The following SQSTM1 variants were observed in gnomAD, a reference collection of about 807,000 sequenced individuals.
SQSTM1 encodes sequestosome 1.
SQSTM1 carries 36 observed loss-of-function variants against 45.1 expected under a neutral mutation model. The ratio of observed to expected loss-of-function variants is 0.80; its 90% CI spans 0.61 to 1.05. The LOEUF (loss-of-function observed/expected upper bound fraction) is 1.05, where lower values mean the gene tolerates loss of function less well. Ranked by LOEUF, SQSTM1 falls within the 50% of genes least tolerant of loss-of-function variation. SQSTM1 has a pLI of 0.00. For synonymous variants in SQSTM1, 290 were observed against 244.3 expected (o/e 1.19, Z -1.74); for missense variants, 617 against 607.1 (o/e 1.02, Z -0.17).
At chr5:179,833,395 T>C (rs1190061823) in intron 6 of SQSTM1, 149 bp downstream of exon 6, 2 of 1,012,586 alleles carry the variant, frequency 2.0e-6, no homozygotes, top group Admixed American at 2.0e-5. Context: ...GCCATTAAAG[T>C]CACGCTGGGA....
chr5:179,828,237 C>G (rs777346744), intron 5 of SQSTM1, among the ~76,000 whole-genome samples: 7 of 152,116 alleles, frequency 4.6e-5, no homozygotes. Context: ...TGGAGAGATC[C>G]TAATTCTATA....
intron 4 of SQSTM1, among the ~76,000 whole-genome samples, chr5:179,824,910 G>A (rs564680739): frequency 6.6e-6 from 1 of 152,128 alleles, no homozygotes; most frequent in African/African-American, 2.4e-5. Flanking sequence ...GGGTTGCTGA[G>A]CACCAGGGTC....
At chr5:179,832,919 G>T in intron 5 of SQSTM1, 113 bp from the exon 6 acceptor site, 2 of 1,079,100 alleles carry the variant, frequency 1.9e-6, no homozygotes, top group Non-Finnish European at 2.8e-6. Flanking sequence ...GCTGCTTGTG[G>T]GGACTGAACG....
intron 7 of SQSTM1, among the ~76,000 whole-genome samples, chr5:179,834,954 G>A (rs1758451662): frequency 2.0e-5 from 3 of 150,862 alleles, no homozygotes; most frequent in South Asian, 2.1e-4. Context: ...CGGGCAGAGG[G>A]GCTCCTCACT....
Position 179,833,601 on chromosome 5 carries a change from G to C in SQSTM1, c.984G>C (p.Ser328=). ...SEGRPEEQME[S]DNCSGGDDDW... is the part of the protein sequence containing the mutation. ...TTTTGTTCCAGGAACAGATGGAGTC[G>C]GATAACTGTTCAGGAGGAGATGATG... The change falls in exon 7 of 8, where the codon TCG becomes TCC. Residue 328 remains serine (S), a synonymous_variant. Transcript: ENST00000389805. 6.2e-7 allele frequency: 1 copy of C among 1,614,142 alleles called. No individual in the cohort carries two copies. The highest frequency in any genetic ancestry group is 8.5e-7 in the Non-Finnish European group (1 of 1,180,026).
rs2306796 is a variant in SQSTM1 at position 179,822,903 on chromosome 5, T to A, written c.206-55T>A. The A allele has an allele frequency of 4.5e-4, 673 of 1,502,406 alleles. 7 individuals are homozygous for A. The East Asian group carries it at 0.014, about 32-fold the overall frequency. 93.1% of individuals were successfully genotyped at this position (1,502,406 alleles called of 1,614,324 possible). A position where few individuals can be genotyped will look rare whatever the true frequency, so the allele number is the denominator to read the frequency against. ...ACTTGCCTCAGCCCATTCCAGCAGC[T>A]TATGTCCAGCTGAGAACCCCTGGGT... On this transcript the variant is annotated intron_variant, in intron 1 of 7. Coordinates refer to ENST00000389805, the MANE Select transcript of SQSTM1 (RefSeq NM_003900.5).
chr5:179,835,604 C>T (rs188244833), intron 7 of SQSTM1: 206 of 155,738 alleles, frequency 1.3e-3, no homozygotes, highest in Non-Finnish European at 2.2e-3. Flanking sequence ...GAGAATCAGG[C>T]AGGGAGGTTG....
rs758128093 is a variant in SQSTM1 at position 179,824,313 on chromosome 5, G to A, written c.663G>A (p.Thr221=). The change falls in exon 4 of 8, where the codon ACG becomes ACA. Residue 221 remains threonine (T), a synonymous_variant. Coordinates refer to ENST00000389805, the MANE Select transcript of SQSTM1 (RefSeq NM_003900.5). Reference sequence around the variant, plus strand: ...CAGGGGAGGCCCGCCCTGGCCCCACGGCAGAATCAGGTGAGGCTTGTGTTG... The same window carrying A: ...CAGGGGAGGCCCGCCCTGGCCCCACAGCAGAATCAGGTGAGGCTTGTGTTG... The part of the protein sequence containing the change: ...PRAGEARPGP[T]AESASGPSED... 37 of 1,613,482 alleles carry A rather than the reference G, an allele frequency of 2.3e-5. 1 individual carries two copies. Among genetic ancestry groups the A allele is most frequent in the Non-Finnish European group, 2.9e-5 (34 of 1,180,048 alleles).
intron 1 of SQSTM1, among the ~76,000 whole-genome samples, chr5:179,808,864 A>AT (rs113214299): frequency 0.75 from 110,251 of 146,104 alleles, 43,056 homozygotes; most frequent in Non-Finnish European, 0.86. Context: ...AGTTTATCTT[A>AT]TTTTTTTTTT....
rs1758553172 is a variant in SQSTM1 at position 179,836,350 on chromosome 5, T to G, written c.1166-86T>G. The G allele has an allele frequency of 3.8e-6, 6 of 1,588,810 alleles. No individual in the cohort carries two copies. The South Asian group carries it at 4.4e-5, about 12-fold the overall frequency. On this transcript the variant is annotated intron_variant, in intron 7 of 7. Coordinates refer to ENST00000389805, the MANE Select transcript of SQSTM1 (RefSeq NM_003900.5). Reference sequence around the variant, plus strand: ...CTCGGACACTGGCAGACCCTGGTCCTGGCTGGCCAAGGCAGCAGGGTATGT... The same window carrying G: ...CTCGGACACTGGCAGACCCTGGTCCGGGCTGGCCAAGGCAGCAGGGTATGT...
intron 1 of SQSTM1, among the ~76,000 whole-genome samples, chr5:179,809,147 AC>A (rs1757313560): frequency 1.1e-5 from 1 of 92,024 alleles, no homozygotes; most frequent in Non-Finnish European, 2.2e-5. Flanking sequence ...GTGAGTCACC[AC>A]CCCGGCCTTT....
chr5:179,821,073 G>T lies in SQSTM1; in HGVS notation c.137G>T (p.Arg46Leu), dbSNP rs1320111508. 6.7e-7 allele frequency: 1 copy of T among 1,483,120 alleles called. No homozygotes were observed. Among genetic ancestry groups the T allele is most frequent in the South Asian group, 1.3e-5 (1 of 79,506 alleles). The allele number at this position is 1,483,120 out of a possible 1,614,324, so 91.9% of individuals were successfully genotyped here. A position where few individuals can be genotyped will look rare whatever the true frequency, so the allele number is the denominator to read the frequency against. ...EAAAGPGPCERLLSRVAALFP... is the reference protein window; with the variant it reads ...EAAAGPGPCELLLSRVAALFP... ...GCGGCGGGTCCGGGACCCTGCGAGCGGCTGCTGAGCCGGGTGGCCGCCCTG... is the reference window on the plus strand; with the variant it reads ...GCGGCGGGTCCGGGACCCTGCGAGCTGCTGCTGAGCCGGGTGGCCGCCCTG... Residue 46 changes from arginine to leucine, a missense_variant, in exon 1 of 8, where the codon CGG becomes CTG. Coordinates refer to ENST00000389805, the MANE Select transcript of SQSTM1 (RefSeq NM_003900.5).
In SQSTM1 at chr5:179,821,058, C is replaced by T. The variant is rs745356508; in HGVS notation, c.122C>T (p.Pro41Leu). 1.3e-5 allele frequency: 20 copies of T among 1,502,536 alleles called. No homozygotes were observed. The African/African-American group carries it at 1.4e-4, about 11-fold the overall frequency. The allele number at this position is 1,502,536 out of a possible 1,614,324, so 93.1% of individuals were successfully genotyped here. ...PEAEAEAAAG[P>L]GPCERLLSRV... The stretch of plus-strand genomic sequence containing the variant: ...GCGGAAGCCGAGGCTGCGGCGGGTC[C>T]GGGACCCTGCGAGCGGCTGCTGAGC... Residue 41 changes from proline to leucine, a missense_variant, in exon 1 of 8, where the codon CCG (proline) becomes CTG (leucine). By Grantham distance (98) the Pro-to-Leu change is moderately conservative. Transcript: ENST00000389805.
At chr5:179,827,898 A>G (rs1377997644) in intron 5 of SQSTM1, among the ~76,000 whole-genome samples, 1 of 152,134 alleles carries the variant, frequency 6.6e-6, no homozygotes, top group Non-Finnish European at 1.5e-5. Flanking sequence ...GTGTAGGGTA[A>G]GCGGCAGCTT....
chr5:179,811,253 G>A (rs994216756), intron 1 of SQSTM1, among the ~76,000 whole-genome samples: 2 of 151,476 alleles, frequency 1.3e-5, no homozygotes, highest in South Asian at 4.2e-4. Context: ...AGAGGTCCAG[G>A]AGAAACTCCC....
Position 179,837,997 on chromosome 5 carries a change from T to C in SQSTM1, c.*1404T>C, listed in dbSNP as rs1003016539. On this transcript the variant is annotated 3_prime_UTR_variant, in exon 8 of 8. Coordinates refer to ENST00000389805, the MANE Select transcript of SQSTM1 (RefSeq NM_003900.5). ...GGCCTCTGGTTCTGACACTTTCTGC[T>C]GGAAGCTGTCAGGCTGGGACAGGCT... 4.8e-6 allele frequency: 5 copies of C among 1,032,908 alleles called. No individual in the cohort carries two copies. The African/African-American group carries it at 8.0e-5, about 17-fold the overall frequency. 64.0% of individuals were successfully genotyped at this position (1,032,908 alleles called of 1,614,324 possible).
intron 7 of SQSTM1, chr5:179,835,185 G>A (rs1199197460): frequency 5.8e-4 from 119 of 203,456 alleles, no homozygotes; most frequent in East Asian, 1.8e-4. Flanking sequence ...GGGCAGAGAC[G>A]CTCCTCACTT....
chr5:179,817,529 A>T, upstream of SQSTM1, among the ~76,000 whole-genome samples: 1 of 152,250 alleles, frequency 6.6e-6, no homozygotes. Flanking sequence ...CTGGCCTTCC[A>T]GTAGGAGAGG....
Position 179,837,957 on chromosome 5 carries a change from C to CCTGGGCCTTGG in SQSTM1, c.*1373_*1383dup. 3 of 1,457,658 alleles carry CCTGGGCCTTGG rather than the reference C, an allele frequency of 2.1e-6. No homozygotes were observed. Among genetic ancestry groups the CCTGGGCCTTGG allele is most frequent in the Middle Eastern group, 2.5e-4 (1 of 4,058 alleles). The allele number at this position is 1,457,658 out of a possible 1,614,324, so 90.3% of individuals were successfully genotyped here. On this transcript the variant is annotated 3_prime_UTR_variant, in exon 8 of 8. Transcript: ENST00000389805. ...GGGCCCAGGAGGACCGCCTGCCCTG[C>CCTGGGCCTTGG]CTGGGCCTTGGCTGGGCCTCTGGTT...
Sources: gnomAD v4.1 joint callset for allele counts (sites outside exome capture counted in the v4.1 genomes callset) on GRCh38, gnomAD v4.1.1 for gene constraint, MANE v1.5 for transcripts, NCBI Gene and HGNC (gene_info 2026-07-23, HGNC 2026-07-21) for gene names.